Variants in ENOX2 observed in about 807,000 individuals in gnomAD.
ENOX2 encodes APK1 antigen.
A neutral mutation model predicts 45.0 loss-of-function variants in ENOX2; 36 were observed. The ratio of observed to expected loss-of-function variants is 0.80; its 90% CI spans 0.61 to 1.06. The LOEUF is 1.06. Among genes scored for constraint, ENOX2 ranks in the 50% least tolerant of loss-of-function variants. ENOX2 has a pLI of 0.00. For missense variants in ENOX2, 423 were observed against 462.5 expected, an observed-to-expected ratio of 0.91 and a Z score of 0.78; for synonymous variants, 174 against 152.3, an observed-to-expected ratio of 1.14 and a Z score of -1.05.
intron 2 of ENOX2, among the ~76,000 whole-genome samples, chrX:130,788,420 A>G (rs776243576): frequency 4.5e-5 from 5 of 111,721 alleles, no homozygotes; most frequent in Non-Finnish European, 7.5e-5. Context: ...AATTTTATCT[A>G]TAGAATTCCT....
intron 2 of ENOX2, among the ~76,000 whole-genome samples, chrX:130,899,067 C>T (rs1005171518): frequency 9.0e-6 from 1 of 110,507 alleles, no homozygotes; most frequent in Non-Finnish European, 1.9e-5. Flanking sequence ...GGAAGATGAA[C>T]TCTGTCAAGA....
Position 130,623,081 on chromosome X carries a change from G to C in ENOX2, c.*2233C>G, listed in dbSNP as rs2035461750. Among the ~76,000 whole-genome samples, 1 of 111,782 alleles carries C rather than the reference G, an allele frequency of 8.9e-6. No individual in the cohort carries two copies. The highest frequency in any genetic ancestry group is 3.3e-5 in the African/African-American group (1 of 30,690). The stretch of plus-strand genomic sequence containing the variant: ...TTACTCAAAGTCTACTGGCTTAAAT[G>C]TTAATCACATTTAAAATATACCTTC... On this transcript the variant is annotated 3_prime_UTR_variant, in exon 15 of 15. Coordinates refer to ENST00000394363, the MANE Select transcript of ENOX2 (RefSeq NM_006375.4).
intron 5 of ENOX2, among the ~76,000 whole-genome samples, chrX:130,682,130 G>C (rs1380580783): frequency 2.7e-5 from 3 of 110,519 alleles, no homozygotes; most frequent in South Asian, 7.9e-4. Context: ...AATCAAAAAG[G>C]CTTCCTAAGT....
At chrX:130,756,355 G>GT (rs2039355387) in intron 3 of ENOX2, among the ~76,000 whole-genome samples, 1 of 112,088 alleles carries the variant, frequency 8.9e-6, no homozygotes, top group South Asian at 3.7e-4. Context: ...GCTATTGTAT[G>GT]TTTTTTGTGA....
At chrX:130,755,936 T>C (rs1176236645) in intron 3 of ENOX2, among the ~76,000 whole-genome samples, 2 of 110,987 alleles carry the variant, frequency 1.8e-5, no homozygotes, top group African/African-American at 6.6e-5. Context: ...TGAGCATGAG[T>C]TCAATTGTTT....
intron 2 of ENOX2, among the ~76,000 whole-genome samples, chrX:130,823,658 A>G (rs1000390964): frequency 2.1e-4 from 24 of 112,093 alleles, no homozygotes; most frequent in African/African-American, 7.8e-4. Flanking sequence ...TTTTTGGAAC[A>G]CAGGTCACCA....
intron 2 of ENOX2, among the ~76,000 whole-genome samples, chrX:130,868,220 C>T (rs941578637): frequency 9.0e-6 from 1 of 111,375 alleles, no homozygotes; most frequent in African/African-American, 3.3e-5. Flanking sequence ...TATGCCCACA[C>T]AAATTTCATA....
At chrX:130,687,703 T>A (rs1416808516) in intron 5 of ENOX2, among the ~76,000 whole-genome samples, 1 of 112,403 alleles carries the variant, frequency 8.9e-6, no homozygotes, top group African/African-American at 3.2e-5. Context: ...AGATTTCTTA[T>A]TGGTCTGGAA....
At position 130,679,552 on chromosome X, in the gene ENOX2, C is replaced by T. The variant is rs1463294481; in HGVS notation, c.450G>A (p.Leu150=). The change falls in exon 6 of 15, where the codon CTG becomes CTA. Residue 150 remains leucine, a synonymous_variant. Coordinates refer to ENST00000394363, the MANE Select transcript of ENOX2 (RefSeq NM_006375.4). The part of the protein sequence containing the change: ...FAEEYMVDKA[L]YLSGYRIRLG... ...CATCTAAACACCTACCAGACAGATA[C>T]AGGGCTTTGTCCACCATGTACTCCT... 1 of 1,207,615 alleles carries T rather than the reference C, an allele frequency of 8.3e-7. No homozygotes were observed. The highest frequency in any genetic ancestry group is 2.2e-5 in the Admixed American group (1 of 46,079).
chrX:130,659,089 T>C (rs1246490009), intron 9 of ENOX2, among the ~76,000 whole-genome samples: 7 of 112,297 alleles, frequency 6.2e-5, no homozygotes, highest in Non-Finnish European at 1.1e-4. Flanking sequence ...GAACTGAGAA[T>C]TCCTTGCTTG....
At chrX:130,657,264 A>C (rs775401321) in intron 9 of ENOX2, among the ~76,000 whole-genome samples, 4 of 112,199 alleles carry the variant, frequency 3.6e-5, no homozygotes, top group Non-Finnish European at 7.5e-5. Flanking sequence ...GACATTGGAG[A>C]GTGAACAAAA....
intron 2 of ENOX2, among the ~76,000 whole-genome samples, chrX:130,884,002 G>A (rs758501652): frequency 8.9e-6 from 1 of 112,339 alleles, no homozygotes; most frequent in Non-Finnish European, 1.9e-5. Context: ...AGTGAGGGAT[G>A]TTAGCCAGAG....
At chrX:130,897,531 G>T (rs2148598693) in intron 2 of ENOX2, among the ~76,000 whole-genome samples, 1 of 112,096 alleles carries the variant, frequency 8.9e-6, no homozygotes, top group South Asian at 3.7e-4. Context: ...TGTAAAATAG[G>T]AATAACTATT....
At chrX:130,701,302 G>A (rs1171854854) in intron 4 of ENOX2, among the ~76,000 whole-genome samples, 1 of 110,212 alleles carries the variant, frequency 9.1e-6, no homozygotes, top group African/African-American at 3.3e-5. Context: ...GACTATAAGT[G>A]TTGTGACTCA....
chrX:130,837,342 T>C (rs1416812838), intron 2 of ENOX2, among the ~76,000 whole-genome samples: 1 of 112,102 alleles, frequency 8.9e-6, no homozygotes, highest in Non-Finnish European at 1.9e-5. Context: ...CTTTCTACTA[T>C]GAGCTCTGAG....
At chrX:130,840,859 C>T (rs1283208586) in intron 2 of ENOX2, among the ~76,000 whole-genome samples, 2 of 111,062 alleles carry the variant, frequency 1.8e-5, no homozygotes, top group East Asian at 2.8e-4. Flanking sequence ...AGTGCAAGAC[C>T]CCATCTCAAA....
chrX:130,700,405 T>C (rs1391834259), intron 4 of ENOX2, among the ~76,000 whole-genome samples: 1 of 112,022 alleles, frequency 8.9e-6, no homozygotes, highest in African/African-American at 3.2e-5. Flanking sequence ...CTGAATTACA[T>C]ACAGGTCAAA....
chrX:130,767,633 T>C (rs2039647757), intron 3 of ENOX2, among the ~76,000 whole-genome samples: 2 of 111,941 alleles, frequency 1.8e-5, no homozygotes, highest in South Asian at 3.7e-4. Flanking sequence ...TAAATTCCTA[T>C]AATACACAAG....
At chrX:130,628,171 C>T (rs767604353) in intron 13 of ENOX2, 128 bp from the exon 14 acceptor site, 64 of 485,854 alleles carry the variant, frequency 1.3e-4, no homozygotes, top group African/African-American at 9.3e-4. Context: ...TAAGTTTACA[C>T]GTATTTTACT....
Sources: gnomAD v4.1 joint callset for allele counts (sites outside exome capture counted in the v4.1 genomes callset) on GRCh38, gnomAD v4.1.1 for gene constraint, MANE v1.5 for transcripts, NCBI Gene and HGNC (gene_info 2026-07-23, HGNC 2026-07-21) for gene names.